USP28: variants seen among roughly 807,000 people sequenced by gnomAD.
USP28 encodes ubiquitin carboxyl-terminal hydrolase 28.
Under a neutral mutation model 145.0 loss-of-function variants are expected in USP28, and 113 were observed. The ratio of observed to expected loss-of-function variants is 0.78; its 90% CI spans 0.67 to 0.91. USP28 has a LOEUF of 0.91. Ranked by LOEUF, USP28 falls within the 40% of genes least tolerant of loss-of-function variation. The probability of loss-of-function intolerance (pLI) is 0.00; values close to 1 mark genes in which losing one functional copy is unlikely to be tolerated. For missense variants in USP28, 1,201 were observed against 1,289.6 expected, an observed-to-expected ratio of 0.93 and a Z score of 1.05; for synonymous variants, 447 against 450.9, an observed-to-expected ratio of 0.99 and a Z score of 0.11.
At chr11:113,812,320 T>A in exon 16 of USP28, 1 of 1,614,174 alleles carries the variant, frequency 6.2e-7, no homozygotes, top group South Asian at 1.1e-5. Flanking sequence ...CATCAGACAG[T>A]AAGCACTAAC....
At chr11:113,855,829 T>A (rs1946989335) in intron 1 of USP28, among the ~76,000 whole-genome samples, 1 of 152,184 alleles carries the variant, frequency 6.6e-6, no homozygotes, top group South Asian at 2.1e-4. Flanking sequence ...GAGAATTGCT[T>A]GAACCCAGGA....
At chr11:113,808,543 A>G (rs571860192) in intron 17 of USP28, 106 bp from the exon 18 acceptor site, 16 of 1,231,532 alleles carry the variant, frequency 1.3e-5, no homozygotes, top group Non-Finnish European at 1.7e-5. Context: ...AACCCTGTTA[A>G]CACAGCTTTT....
At chr11:113,862,650 CTG>C (rs2136885088) in intron 1 of USP28, among the ~76,000 whole-genome samples, 1 of 152,204 alleles carries the variant, frequency 6.6e-6, no homozygotes, top group Admixed American at 6.5e-5. Context: ...AGGACATACT[CTG>C]AACATCTCAA....
chr11:113,842,023 C>T (rs1945253932), intron 3 of USP28, among the ~76,000 whole-genome samples: 1 of 152,190 alleles, frequency 6.6e-6, no homozygotes, highest in South Asian at 2.1e-4. Context: ...TCTCACTCCA[C>T]AAAGTCAAAA....
At chr11:113,840,448 G>GC in intron 5 of USP28, 150 bp downstream of exon 5, 1 of 979,764 alleles carries the variant, frequency 1.0e-6, no homozygotes, top group Non-Finnish European at 1.5e-6. Context: ...AGACATCAAA[G>GC]CATCTAAATC....
At chr11:113,803,123 C>A (rs1939334819) in intron 23 of USP28, 35 bp downstream of exon 24, 1 of 1,584,096 alleles carries the variant, frequency 6.3e-7, no homozygotes, top group Non-Finnish European at 8.6e-7. Flanking sequence ...AGGTAAACAA[C>A]AAAAAAACCT....
At chr11:113,801,367 A>C in intron 24 of USP28, 116 bp downstream of exon 25, 1 of 721,188 alleles carries the variant, frequency 1.4e-6, no homozygotes, top group Non-Finnish European at 2.1e-6. Context: ...TAATTTACTT[A>C]TATGCTAGAA....
Position 113,834,775 on chromosome 11 carries a change from A to G in USP28, c.535-440T>C, listed in dbSNP as rs181796623. Among the ~76,000 whole-genome samples the G allele has an allele frequency of 1.4e-3, 219 of 152,388 alleles. 1 individual carries two copies. The Middle Eastern group carries it at 0.024, about 17-fold the overall frequency. On this transcript the variant is annotated intron_variant, in intron 5 of 24. Transcript: ENST00000003302. ...TTATACAATAGACTATTAAGCAGTC[A>G]TTGAAATAATATTGTAAAAAGTGTT... is the stretch of plus-strand genomic sequence containing the variant.
At chr11:113,819,857 C>T (rs1942338845) in intron 12 of USP28, among the ~76,000 whole-genome samples, 1 of 152,140 alleles carries the variant, frequency 6.6e-6, no homozygotes, top group South Asian at 2.1e-4. Context: ...GTAGCTAGGA[C>T]TACAGGCATG....
At chr11:113,829,236 C>T in exon 10 of USP28, 1 of 1,614,112 alleles carries the variant, frequency 6.2e-7, no homozygotes, top group Non-Finnish European at 8.5e-7. Context: ...AGGGAAGAAG[C>T]TCAACATCAC....
At chr11:113,827,205 G>GAA (rs370867434) in intron 11 of USP28, 28 bp downstream of exon 11, 75 of 1,184,912 alleles carry the variant, frequency 6.3e-5, no homozygotes, top group Middle Eastern at 2.1e-4. Context: ...AATACCTCAG[G>GAA]AAAAAAAAAA....
chr11:113,799,191 C>A (rs200755906), exon 25 of USP28: 15 of 1,577,510 alleles, frequency 9.5e-6, no homozygotes, highest in East Asian at 2.2e-5. Flanking sequence ...AACTTCTGTG[C>A]AAGAGGCAGG....
At chr11:113,843,689 A>C (rs989332103) in intron 3 of USP28, among the ~76,000 whole-genome samples, 1 of 151,304 alleles carries the variant, frequency 6.6e-6, no homozygotes, top group South Asian at 2.1e-4. Flanking sequence ...AAAAAAAAAA[A>C]ACTAAAAAAA....
intron 5 of USP28, among the ~76,000 whole-genome samples, chr11:113,837,217 C>A (rs1414230153): frequency 6.6e-6 from 1 of 152,250 alleles, no homozygotes; most frequent in Non-Finnish European, 1.5e-5. Flanking sequence ...TATCTCACCT[C>A]ATGAGAATTT....
exon 25 of USP28, chr11:113,798,150 G>C (rs1189913029): frequency 7.9e-6 from 1 of 126,258 alleles, no homozygotes; most frequent in African/African-American, 3.1e-5. Context: ...ACGATGACTT[G>C]TCTGCAATCC....
chr11:113,841,709 G>C (rs556725972), exon 4 of USP28: 2 of 1,613,610 alleles, frequency 1.2e-6, no homozygotes, highest in Non-Finnish European at 1.7e-6. Flanking sequence ...GACTCCAGTA[G>C]ACTCAAAGCA....
chr11:113,817,832 A>G, exon 13 of USP28: 2 of 1,614,140 alleles, frequency 1.2e-6, no homozygotes, highest in Non-Finnish European at 1.7e-6. Context: ...GCCATATTTC[A>G]CATACCTAAG....
rs1037342485 is a variant in USP28, at chr11:113,873,902, G to A, written c.57+1543C>T. 2.0e-4 allele frequency among the ~76,000 whole-genome samples: 30 copies of A among 152,016 alleles called. 1 individual carries two copies. Among genetic ancestry groups the A allele is most frequent in the Admixed American group, 2.0e-3 (30 of 15,260 alleles). ...TCACGCCTGTAATCCCAGCACTTTG[G>A]GAGGCCGAGGCGGGCGGATCATGAG... On this transcript the variant is annotated intron_variant, in intron 1 of 24. Transcript: ENST00000003302.
intron 1 of USP28, among the ~76,000 whole-genome samples, chr11:113,860,288 T>C (rs557402629): frequency 6.6e-6 from 1 of 152,188 alleles, no homozygotes; most frequent in African/African-American, 2.4e-5. Context: ...AATTGTCTAG[T>C]CTTACAAAGA....
Sources: gnomAD v4.1 joint callset for allele counts (sites outside exome capture counted in the v4.1 genomes callset) on GRCh38, gnomAD v4.1.1 for gene constraint, MANE v1.5 for transcripts, NCBI Gene and HGNC (gene_info 2026-07-23, HGNC 2026-07-21) for gene names.